ABCB10: variants seen among roughly 807,000 people sequenced by gnomAD.
ABCB10 encodes the protein ATP binding cassette subfamily B member 10.
Under a neutral mutation model 65.4 loss-of-function variants are expected in ABCB10, and 54 were observed. The ratio of observed to expected loss-of-function variants is 0.83; its 90% CI spans 0.66 to 1.04. ABCB10 has a LOEUF of 1.04. ABCB10 is among the 50% of genes least tolerant of loss of function. The pLI is 0.00. For missense variants in ABCB10, 846 were observed against 976.6 expected, an observed-to-expected ratio of 0.87 and a Z score of 1.78; for synonymous variants, 418 against 406.5, an observed-to-expected ratio of 1.03 and a Z score of -0.34.
At chr1:229,533,500 C>G (rs1558122817) in intron 6 of ABCB10, among the ~76,000 whole-genome samples, 1 of 152,168 alleles carries the variant, frequency 6.6e-6, no homozygotes, top group Non-Finnish European at 1.5e-5. Context: ...AACATTTTCC[C>G]TCAGTGAGGA....
chr1:229,538,532 T>C (rs1366696609), intron 6 of ABCB10, among the ~76,000 whole-genome samples: 5 of 152,168 alleles, frequency 3.3e-5, no homozygotes, highest in Non-Finnish European at 7.4e-5. Context: ...TGGGTCCTCC[T>C]GAACCGGTCC....
At position 229,521,613 on chromosome 1, in the gene ABCB10, C is replaced by T. The variant is rs760653297; in HGVS notation, c.1929G>A (p.Ala643=). 12 of 1,612,458 alleles carry T rather than the reference C, an allele frequency of 7.4e-6. No individual in the cohort carries two copies. The East Asian group carries it at 1.8e-4, about 24-fold the overall frequency. The change falls in exon 11 of 13, where the codon GCG becomes GCA. Residue 643 remains alanine (A), a synonymous_variant. Transcript: ENST00000344517. ...TTACCTTTAGCAGAGCACGGGCAAT[C>T]GCAATCCGCTGTTTCTGCCCACCTG... is the stretch of plus-strand genomic sequence containing the variant. ...LLSGGQKQRI[A]IARALLKNPK...
intron 1 of ABCB10, 66 bp from the exon 2 acceptor site, chr1:229,549,500 G>C (rs564041822): frequency 5.5e-6 from 8 of 1,467,594 alleles, no homozygotes; most frequent in Non-Finnish European, 6.5e-6. Context: ...GCTGAGTCCA[G>C]GAGGCTTCCT....
rs753546411 is a variant in ABCB10 at position 229,518,885 on chromosome 1, GA to G, written c.1951-11del. The G allele has an allele frequency of 2.4e-5, 38 of 1,564,056 alleles. No individual in the cohort carries two copies. Among genetic ancestry groups the G allele is most frequent in the Admixed American group, 7.3e-5 (4 of 55,002 alleles). On this transcript the variant is annotated splice_polypyrimidine_tract_variant and intron_variant, in intron 11 of 12. Transcript: ENST00000344517. ...GAAGAATTTTGGGATTCTGAAGAAG[GA>G]AAAAAAAGGAAAAGATAAAATAATT...
At chr1:229,534,053 C>T (rs938641637) in intron 6 of ABCB10, among the ~76,000 whole-genome samples, 2 of 152,136 alleles carry the variant, frequency 1.3e-5, no homozygotes, top group Admixed American at 6.6e-5. Context: ...CCAAAATATA[C>T]GAAGAACTCT....
intron 6 of ABCB10, among the ~76,000 whole-genome samples, chr1:229,538,542 C>G (rs1244450219): frequency 6.6e-6 from 1 of 152,172 alleles, no homozygotes; most frequent in Non-Finnish European, 1.5e-5. Flanking sequence ...TGAACCGGTC[C>G]ACCTTCTCGT....
intron 9 of ABCB10, 59 bp from the exon 10 acceptor site, chr1:229,526,175 A>G (rs1188010654): frequency 1.3e-6 from 2 of 1,500,184 alleles, no homozygotes; most frequent in Non-Finnish European, 1.8e-6. Flanking sequence ...CATGTCTAAT[A>G]AATTTAGACC....
At chr1:229,541,589 G>T (rs915136003) in intron 4 of ABCB10, among the ~76,000 whole-genome samples, 6 of 152,056 alleles carry the variant, frequency 3.9e-5, no homozygotes, top group Non-Finnish European at 8.8e-5. Context: ...TTAAATTAAT[G>T]AAACACTTAT....
intron 1 of ABCB10, among the ~76,000 whole-genome samples, chr1:229,554,127 G>A (rs1376987479): frequency 6.6e-6 from 1 of 152,216 alleles, no homozygotes; most frequent in Non-Finnish European, 1.5e-5. Context: ...TGGAGTCTGG[G>A]ACACATTTCC....
At chr1:229,537,068 C>T (rs1190623448) in intron 6 of ABCB10, among the ~76,000 whole-genome samples, 2 of 152,074 alleles carry the variant, frequency 1.3e-5, no homozygotes, top group Non-Finnish European at 2.9e-5. Flanking sequence ...TGTATGATTC[C>T]TTTTATATGA....
intron 1 of ABCB10, among the ~76,000 whole-genome samples, chr1:229,552,711 GC>G (rs1445279082): frequency 6.6e-6 from 1 of 152,100 alleles, no homozygotes; most frequent in Admixed American, 6.6e-5. Flanking sequence ...GGACTCAAAG[GC>G]AGCACTTCAG....
chr1:229,521,539 C>T, intron 11 of ABCB10, 53 bp downstream of exon 11: 1 of 1,522,902 alleles, frequency 6.6e-7, no homozygotes, highest in Non-Finnish European at 8.9e-7. Flanking sequence ...TTACAAGGTC[C>T]CTAATAAAAA....
chr1:229,516,877 A>AATAAAAT lies in ABCB10; in HGVS notation c.*1295_*1301dup, dbSNP rs1662188704. The AATAAAAT allele has an allele frequency of 6.6e-6, 1 of 152,232 alleles. No homozygotes were observed. The highest frequency in any genetic ancestry group is 1.5e-5 in the Non-Finnish European group (1 of 68,026). 9.4% of individuals were successfully genotyped at this position (152,232 alleles called of 1,614,324 possible). On this transcript the variant is annotated 3_prime_UTR_variant, in exon 13 of 13. Transcript: ENST00000344517. ...TCAATTTTATTCATTAATTATGAACAATAAAATATAATATTCCATGCTTTT... is the reference window on the plus strand; with the variant it reads ...TCAATTTTATTCATTAATTATGAACAATAAAATATAAAATATAATATTCCATGCTTTT...
In ABCB10 at chr1:229,527,727, A is replaced by G. The variant is rs144841176; in HGVS notation, c.1646-419T>C. ...ACTGGCAGAGGTGGCACAGCTCTGA[A>G]GCTGGCATTCATGACAGCAACTGCC... On this transcript the variant is annotated intron_variant, in intron 8 of 12. Transcript: ENST00000344517. Among the ~76,000 whole-genome samples the G allele has an allele frequency of 3.3e-5, 5 of 152,338 alleles. No homozygotes were observed. The East Asian group carries it at 7.7e-4, about 23-fold the overall frequency.
At position 229,558,209 on chromosome 1, in the gene ABCB10, G is replaced by C; in HGVS notation, c.444C>G (p.Arg148=). Residue 148 remains arginine (R), a synonymous_variant, in exon 1 of 13, where the codon CGC becomes CGG. Coordinates refer to ENST00000344517, the MANE Select transcript of ABCB10 (RefSeq NM_012089.3). ...AAPPGDKGRL[R]PAAAGLPEAR... Reference sequence around the variant, plus strand: ...CCTCCGGGAGTCCGGCCGCTGCGGGGCGCAGCCGCCCCTTGTCCCCGGGAG... The same window carrying C: ...CCTCCGGGAGTCCGGCCGCTGCGGGCCGCAGCCGCCCCTTGTCCCCGGGAG... The C allele has an allele frequency of 2.1e-6, 3 of 1,416,458 alleles. No homozygotes were observed. The highest frequency in any genetic ancestry group is 2.8e-6 in the Non-Finnish European group (3 of 1,087,212). 87.7% of individuals were successfully genotyped at this position (1,416,458 alleles called of 1,614,324 possible). A position where few individuals can be genotyped will look rare whatever the true frequency, so the allele number is the denominator to read the frequency against.
In ABCB10 at chr1:229,546,897, T is replaced by TA. The variant is rs928739119; in HGVS notation, c.921+601dup. Among the ~76,000 whole-genome samples the TA allele has an allele frequency of 6.0e-5, 9 of 150,190 alleles. No homozygotes were observed. In the South Asian group the frequency reaches 8.4e-4, roughly 14 times the overall value. On this transcript the variant is annotated intron_variant, in intron 3 of 12. Coordinates refer to ENST00000344517, the MANE Select transcript of ABCB10 (RefSeq NM_012089.3). ...AGACTGTCTCTAAAAAAATTAAAAT[T>TA]AAAAAAAAAATTAATCTCATTGGCT... is the stretch of plus-strand genomic sequence containing the variant.
chr1:229,551,108 A>G (rs1663104129), intron 1 of ABCB10, among the ~76,000 whole-genome samples: 1 of 152,174 alleles, frequency 6.6e-6, no homozygotes, highest in Non-Finnish European at 1.5e-5. Context: ...AACCTTAATA[A>G]AGAGTCCAGA....
chr1:229,558,357 C>G lies in ABCB10; in HGVS notation c.296G>C (p.Ser99Thr). The G allele has an allele frequency of 8.0e-7, 1 of 1,253,554 alleles. No individual in the cohort carries two copies. Among genetic ancestry groups the G allele is most frequent in the Non-Finnish European group, 1.0e-6 (1 of 987,686 alleles). The allele number at this position is 1,253,554 out of a possible 1,614,324, so 77.7% of individuals were successfully genotyped here. A position where few individuals can be genotyped will look rare whatever the true frequency, so the allele number is the denominator to read the frequency against. Residue 99 changes from serine to threonine, a missense_variant, in exon 1 of 13, where the codon AGC becomes ACC. Physicochemically the swap from Ser to Thr is moderately conservative, Grantham distance 58 (BLOSUM62 1). Around this residue, in one of 2 missense-constraint regions of ABCB10, gnomAD observed 214 missense variants for 173.5 expected, o/e 1.23. Coordinates refer to ENST00000344517, the MANE Select transcript of ABCB10 (RefSeq NM_012089.3). Reference protein sequence around the residue: ...LLGLWARGPGSCRCGAFAGPG... With the variant: ...LLGLWARGPGTCRCGAFAGPG... ...CCCGGCAAAAGCCCCGCACCTGCAGCTGCCGGGGCCGCGAGCCCACAGCCC... is the reference window on the plus strand; with the variant it reads ...CCCGGCAAAAGCCCCGCACCTGCAGGTGCCGGGGCCGCGAGCCCACAGCCC...
rs181598501 is a variant in ABCB10 at position 229,539,029 on chromosome 1, T to C, written c.1339+427A>G. On this transcript the variant is annotated intron_variant, in intron 6 of 12. Transcript: ENST00000344517. ...TTTGATTGCTCATTAATTTTGAATATGGTCGACTTTGTGCAAAAGGAATTT... is the reference window on the plus strand; with the variant it reads ...TTTGATTGCTCATTAATTTTGAATACGGTCGACTTTGTGCAAAAGGAATTT... Among the ~76,000 whole-genome samples the C allele has an allele frequency of 9.8e-5, 15 of 152,348 alleles. No individual in the cohort carries two copies. In the South Asian group the frequency reaches 1.4e-3, roughly 15 times the overall value.
Sources: gnomAD v4.1 joint callset for allele counts (sites outside exome capture counted in the v4.1 genomes callset) on GRCh38, gnomAD v4.1.1 for gene constraint, gnomAD v4.1.1 regional missense constraint, MANE v1.5 for transcripts, NCBI Gene and HGNC (gene_info 2026-07-23, HGNC 2026-07-21) for gene names.